The following EVI5 variants were observed in gnomAD, a reference collection of about 807,000 sequenced individuals.
EVI5 encodes ecotropic viral integration site 5.
A neutral mutation model predicts 112.0 loss-of-function variants in EVI5; 73 were observed. That is an observed-to-expected ratio of 0.65 (90% CI 0.54 to 0.79). The LOEUF (loss-of-function observed/expected upper bound fraction) is 0.79. Among genes scored for constraint, EVI5 ranks in the 30% least tolerant of loss-of-function variants. The pLI is 0.00. For missense variants in EVI5, 900 were observed against 968.8 expected, an observed-to-expected ratio of 0.93 and a Z score of 0.94; for synonymous variants, 305 against 319.9, an observed-to-expected ratio of 0.95 and a Z score of 0.50.
At chr1:92,708,732 T>C (rs1672397070) in intron 2 of EVI5, among the ~76,000 whole-genome samples, 1 of 152,010 alleles carries the variant, frequency 6.6e-6, no homozygotes, top group Non-Finnish European at 1.5e-5. Flanking sequence ...AACTGATGAA[T>C]GGATTAAAAA....
chr1:92,686,272 C>T (rs538835841), intron 9 of EVI5, among the ~76,000 whole-genome samples: 2 of 152,114 alleles, frequency 1.3e-5, no homozygotes, highest in African/African-American at 4.8e-5. Flanking sequence ...TAATCCACCA[C>T]GTAAACAGAA....
intron 2 of EVI5, among the ~76,000 whole-genome samples, chr1:92,730,245 A>G (rs1161441932): frequency 6.6e-6 from 1 of 151,960 alleles, no homozygotes; most frequent in Non-Finnish European, 1.5e-5. Flanking sequence ...ACGTGCCTGT[A>G]ATCCCAGGAG....
chr1:92,641,739 AG>A (rs1201081834), intron 13 of EVI5, among the ~76,000 whole-genome samples: 1 of 152,226 alleles, frequency 6.6e-6, no homozygotes, highest in African/African-American at 2.4e-5. Context: ...TGACCCCAAA[AG>A]GATGTTTGTA....
intron 18 of EVI5, among the ~76,000 whole-genome samples, chr1:92,593,523 C>T (rs574233931): frequency 6.6e-6 from 1 of 152,244 alleles, no homozygotes; most frequent in Non-Finnish European, 1.5e-5. Flanking sequence ...ACAAGGATGC[C>T]CTCTCTCACC....
rs201609643 is a variant in EVI5, at chr1:92,591,294, C to T, written c.2070+14013G>A. Among the ~76,000 whole-genome samples the T allele has an allele frequency of 1.4e-4, 22 of 152,254 alleles. No individual in the cohort carries two copies. The East Asian group carries it at 4.1e-3, about 28-fold the overall frequency. On this transcript the variant is annotated intron_variant, in intron 18 of 19. Coordinates refer to ENST00000684568, the MANE Select transcript of EVI5 (RefSeq NM_001350197.2). ...ACCTTAAATGTAAAGGGGCTAAATG[C>T]TCCAATTAAAAGACACAGACTGGCA...
intron 16 of EVI5, among the ~76,000 whole-genome samples, chr1:92,623,818 C>T (rs1350641930): frequency 2.0e-5 from 3 of 152,182 alleles, no homozygotes; most frequent in Admixed American, 6.5e-5. Context: ...ACGCATGGAC[C>T]AGCTCCGTAA....
chr1:92,529,087 T>A (rs921522678), intron 19 of EVI5, among the ~76,000 whole-genome samples: 7 of 152,228 alleles, frequency 4.6e-5, no homozygotes, highest in African/African-American at 1.7e-4. Context: ...GATCCCACTG[T>A]TTTTGCCCAT....
intron 2 of EVI5, among the ~76,000 whole-genome samples, chr1:92,730,095 A>C (rs757636010): frequency 2.6e-5 from 4 of 152,166 alleles, no homozygotes; most frequent in Non-Finnish European, 5.9e-5. Context: ...GTCAAGTGCA[A>C]TAGCTAATGC....
intron 10 of EVI5, among the ~76,000 whole-genome samples, chr1:92,676,933 G>A (rs1379364966): frequency 1.3e-5 from 2 of 152,130 alleles, no homozygotes; most frequent in East Asian, 3.9e-4. Flanking sequence ...TTCTCCTGAT[G>A]AGCCACCAAC....
At chr1:92,623,676 T>G (rs1038362210) in intron 16 of EVI5, among the ~76,000 whole-genome samples, 2 of 152,206 alleles carry the variant, frequency 1.3e-5, no homozygotes, top group African/African-American at 4.8e-5. Context: ...GGTTCCCAAT[T>G]GGGGCAATTT....
intron 18 of EVI5, among the ~76,000 whole-genome samples, chr1:92,592,244 GA>G (rs1674083265): frequency 6.6e-6 from 1 of 151,474 alleles, no homozygotes. Context: ...CTCCGTCTCA[GA>G]AAAAAAGAAA....
intron 18 of EVI5, among the ~76,000 whole-genome samples, chr1:92,597,494 T>C (rs1648176415): frequency 6.6e-6 from 1 of 152,240 alleles, no homozygotes; most frequent in Non-Finnish European, 1.5e-5. Flanking sequence ...CAGTCACTCC[T>C]ACTCTGTAAT....
chr1:92,513,819 A>T lies in EVI5; in HGVS notation c.2318T>A (p.Phe773Tyr). ...DNSLQETGVG[F>Y]PLHGKSGSMS... ...CGAACCAGATTTTCCGTGCAAAGGA[A>T]AACCAACACCAGTTTCCTGTAAGGA... The change falls in exon 20 of 20, where the codon TTT becomes TAT. Residue 773 changes from phenylalanine (F) to tyrosine (Y), a missense_variant. Transcript: ENST00000684568. The T allele has an allele frequency of 6.2e-7, 1 of 1,613,926 alleles. No homozygotes were observed. Among genetic ancestry groups the T allele is most frequent in the Non-Finnish European group, 8.5e-7 (1 of 1,179,952 alleles).
At chr1:92,686,689 C>G (rs1034625834) in intron 9 of EVI5, among the ~76,000 whole-genome samples, 1 of 152,226 alleles carries the variant, frequency 6.6e-6, no homozygotes. Context: ...TAAACAACTT[C>G]AGCAAAGTCT....
chr1:92,681,534 G>A (rs1018044923), intron 9 of EVI5, among the ~76,000 whole-genome samples: 1 of 152,160 alleles, frequency 6.6e-6, no homozygotes, highest in African/African-American at 2.4e-5. Flanking sequence ...GGGAACCTAT[G>A]AGCCTTTGTA....
chr1:92,582,237 A>C (rs1017596001), intron 18 of EVI5, among the ~76,000 whole-genome samples: 1 of 152,242 alleles, frequency 6.6e-6, no homozygotes, highest in African/African-American at 2.4e-5. Context: ...TACAGAACAC[A>C]TACTGTCTCA....
At chr1:92,534,752 C>A (rs541576736) in intron 19 of EVI5, among the ~76,000 whole-genome samples, 1 of 152,182 alleles carries the variant, frequency 6.6e-6, no homozygotes, top group Non-Finnish European at 1.5e-5. Flanking sequence ...CCCTTCCTTA[C>A]ACTTTATACA....
intron 13 of EVI5, among the ~76,000 whole-genome samples, chr1:92,659,210 G>C (rs1432988948): frequency 6.6e-6 from 1 of 152,014 alleles, no homozygotes; most frequent in Non-Finnish European, 1.5e-5. Context: ...TCATGACTAA[G>C]ACCTCAAAAG....
intron 2 of EVI5, among the ~76,000 whole-genome samples, chr1:92,721,384 G>C (rs1674728672): frequency 6.6e-6 from 1 of 152,120 alleles, no homozygotes; most frequent in Non-Finnish European, 1.5e-5. Flanking sequence ...GTAGGGACAT[G>C]GATAAAGCTG....
Sources: allele counts gnomAD v4.1 joint callset (sites outside exome capture counted in the v4.1 genomes callset), GRCh38; gene constraint gnomAD v4.1.1; transcripts MANE v1.5; gene names NCBI Gene and HGNC (gene_info 2026-07-23, HGNC 2026-07-21).